ATP11A: variants seen among roughly 807,000 people sequenced by gnomAD.
ATP11A encodes the protein ATPase phospholipid transporting 11A, also known as phospholipid-transporting ATPase IH.
A neutral mutation model predicts 154.4 loss-of-function variants in ATP11A; 81 were observed. That is an observed-to-expected ratio of 0.52 (90% CI 0.44 to 0.63). The LOEUF (loss-of-function observed/expected upper bound fraction) is 0.63, where lower values mean the gene tolerates loss of function less well. Ranked by LOEUF, ATP11A falls within the 30% of genes least tolerant of loss-of-function variation. ATP11A has a pLI of 0.00. For synonymous variants in ATP11A, 623 were observed against 585.9 expected, an observed-to-expected ratio of 1.06 and a Z score of -0.91; for missense variants, 1,316 against 1,474.3, an observed-to-expected ratio of 0.89 and a Z score of 1.76.
chr13:112,836,544 G>T lies in ATP11A; in HGVS notation c.1705+293G>T, dbSNP rs112157797. Among the ~76,000 whole-genome samples, 1,352 of 152,302 alleles carry T rather than the reference G, an allele frequency of 8.9e-3. 23 individuals carry two copies. Among genetic ancestry groups the T allele is most frequent in the African/African-American group, 0.03 (1,251 of 41,554 alleles). On this transcript the variant is annotated intron_variant, in intron 16 of 29. Transcript: ENST00000375645. ...TGTTGAAAATTGCTTAATTCCATTT[G>T]TGAAAGTTCCTCTGCCCATCCCTAT...
chr13:112,779,712 G>C (rs528463381), intron 1 of ATP11A, among the ~76,000 whole-genome samples: 2 of 151,864 alleles, frequency 1.3e-5, no homozygotes, highest in Non-Finnish European at 2.9e-5. Context: ...TCAGGAGTTC[G>C]AGGCTAGCCT....
intron 12 of ATP11A, among the ~76,000 whole-genome samples, chr13:112,828,130 A>AGTGTTGAGT (rs2078984043): frequency 1.0e-5 from 1 of 96,986 alleles, no homozygotes. Context: ...AGCGCCCAGC[A>AGTGTTGAGT]GCGTTGAGTA....
intron 1 of ATP11A, among the ~76,000 whole-genome samples, chr13:112,782,430 TTC>T (rs1479527208): frequency 6.6e-6 from 1 of 151,524 alleles, no homozygotes; most frequent in African/African-American, 2.5e-5. Context: ...CTGTATGCTT[TTC>T]TCTCTTTTTC....
At chr13:112,833,727 A>G (rs2079157406) in intron 14 of ATP11A, among the ~76,000 whole-genome samples, 1 of 152,182 alleles carries the variant, frequency 6.6e-6, no homozygotes, top group Non-Finnish European at 1.5e-5. Context: ...CAACAGTATC[A>G]CCGGGGCCCT....
Position 112,873,642 on chromosome 13 carries a change from G to A in ATP11A, c.3127G>A (p.Val1043Ile), listed in dbSNP as rs748736508. Residue 1043 changes from valine to isoleucine, a missense_variant, in exon 27 of 30, where the codon GTT (valine) becomes ATT (isoleucine). By Grantham distance (29) the Val-to-Ile change is conservative. Around this residue, in one of 5 missense-constraint regions of ATP11A, gnomAD observed 294 missense variants for 290.2 expected, o/e 1.01. Coordinates refer to ENST00000375645, the MANE Select transcript of ATP11A (RefSeq NM_015205.3). ...CATCTGGGGGTCGCTGCTGTTCTAC[G>A]TTGTCTTTTCGCTTCTCTGGGGAGG... The part of the protein sequence containing the change: ...FVIWGSLLFY[V>I]VFSLLWGGVI... 83 of 1,613,502 alleles carry A rather than the reference G, an allele frequency of 5.1e-5. No homozygotes were observed. The highest frequency in any genetic ancestry group is 1.3e-4 in the Admixed American group (8 of 59,966).
chr13:112,792,914 T>A (rs978296672), intron 2 of ATP11A, among the ~76,000 whole-genome samples: 1 of 152,230 alleles, frequency 6.6e-6, no homozygotes, highest in African/African-American at 2.4e-5. Flanking sequence ...TGTCCCTCCA[T>A]GCCTTCAAGA....
intron 1 of ATP11A, among the ~76,000 whole-genome samples, chr13:112,761,038 A>T (rs956578739): frequency 1.3e-5 from 2 of 152,198 alleles, no homozygotes; most frequent in Non-Finnish European, 2.9e-5. Flanking sequence ...GAGCGTGGTG[A>T]AACCTGGCTC....
At chr13:112,700,404 A>G (rs1305559852) in intron 1 of ATP11A, among the ~76,000 whole-genome samples, 1 of 152,124 alleles carries the variant, frequency 6.6e-6, no homozygotes, top group South Asian at 2.1e-4. Flanking sequence ...CATGTCTGGG[A>G]GGCTGGGTCC....
At chr13:112,868,273 G>A (rs945430215) in intron 25 of ATP11A, among the ~76,000 whole-genome samples, 2 of 152,254 alleles carry the variant, frequency 1.3e-5, no homozygotes, top group East Asian at 1.9e-4. Context: ...GGGAGGGGAG[G>A]CAGTGGATGC....
intron 1 of ATP11A, among the ~76,000 whole-genome samples, chr13:112,778,407 G>T (rs1251464124): frequency 6.6e-6 from 1 of 152,254 alleles, no homozygotes; most frequent in Admixed American, 6.5e-5. Flanking sequence ...TTCAGAGTTG[G>T]ACGTAAAACA....
intron 1 of ATP11A, among the ~76,000 whole-genome samples, chr13:112,711,079 T>G (rs1448141706): frequency 6.6e-6 from 1 of 150,630 alleles, no homozygotes; most frequent in Non-Finnish European, 1.5e-5. Flanking sequence ...CATGTTCGTA[T>G]TTGGGGGAAG....
At chr13:112,805,388 G>T (rs2078292275) in intron 3 of ATP11A, among the ~76,000 whole-genome samples, 1 of 152,168 alleles carries the variant, frequency 6.6e-6, no homozygotes, top group African/African-American at 2.4e-5. Context: ...CTAAGTGTGT[G>T]TGGATGCTCT....
chr13:112,846,915 A>G (rs2079626167), intron 17 of ATP11A, among the ~76,000 whole-genome samples: 2 of 152,182 alleles, frequency 1.3e-5, no homozygotes, highest in Non-Finnish European at 2.9e-5. Context: ...GTGAGTGGCC[A>G]TGCCTCCTGG....
rs540194860 is a variant in ATP11A at position 112,696,285 on chromosome 13, C to T, written c.39+5830C>T. Among the ~76,000 whole-genome samples the T allele has an allele frequency of 6.6e-5, 10 of 152,352 alleles. No individual in the cohort carries two copies. In the South Asian group the frequency reaches 2.1e-3, roughly 32 times the overall value. ...TCTGGGCTTCTTAAGGAGACCGCCT[C>T]TCACCTTGGGCTTTCCGGAACCTTC... On this transcript the variant is annotated intron_variant, in intron 1 of 29. Transcript: ENST00000375645. The surrounding 1 kb of genome is among the most constrained non-coding windows in gnomAD (Gnocchi z 6.2).
chr13:112,691,904 TAAGTG>T (rs1377102055), intron 1 of ATP11A, among the ~76,000 whole-genome samples: 2 of 151,986 alleles, frequency 1.3e-5, no homozygotes, highest in African/African-American at 4.8e-5. Flanking sequence ...CTGACTTACT[TAAGTG>T]GAGAGAACTC....
intron 1 of ATP11A, among the ~76,000 whole-genome samples, chr13:112,760,998 C>T (rs1390070214): frequency 6.6e-6 from 1 of 152,182 alleles, no homozygotes. Context: ...ATAAACAATT[C>T]CCAAGTTTTA....
intron 1 of ATP11A, among the ~76,000 whole-genome samples, chr13:112,699,438 G>C (rs767870432): frequency 1.5e-4 from 23 of 152,228 alleles, no homozygotes; most frequent in Middle Eastern, 3.4e-3. Flanking sequence ...TTTTTCCTGG[G>C]AGGTGGTATT....
Position 112,757,370 on chromosome 13 carries a change from T to G in ATP11A, c.40-27765T>G, listed in dbSNP as rs140881967. Reference sequence around the variant, plus strand: ...AGCTTTTTCTAGAAGGCAATGTGTTTAATCCACTTGTTTTCCGAGTCTCTT... The same window carrying G: ...AGCTTTTTCTAGAAGGCAATGTGTTGAATCCACTTGTTTTCCGAGTCTCTT... On this transcript the variant is annotated intron_variant, in intron 1 of 29. Transcript: ENST00000375645. 1.9e-3 allele frequency among the ~76,000 whole-genome samples: 287 copies of G among 152,392 alleles called. 3 individuals are homozygous for G. The highest frequency in any genetic ancestry group is 4.9e-3 in the African/African-American group (205 of 41,598).
intron 1 of ATP11A, among the ~76,000 whole-genome samples, chr13:112,769,811 C>T (rs952509835): frequency 1.3e-5 from 2 of 152,200 alleles, no homozygotes; most frequent in African/African-American, 2.4e-5. Flanking sequence ...TGAGGCCAGC[C>T]TCAGAGCCGC....
Sources: allele counts gnomAD v4.1 joint callset (sites outside exome capture counted in the v4.1 genomes callset), GRCh38; gene constraint gnomAD v4.1.1; regional missense constraint gnomAD v4.1.1; non-coding constraint Gnocchi (gnomAD v3.1); transcripts MANE v1.5; gene names NCBI Gene and HGNC (gene_info 2026-07-23, HGNC 2026-07-21).